The following MGAT5 variants were observed in gnomAD, a reference collection of about 807,000 sequenced individuals.
MGAT5 encodes the protein alpha-1,6-mannosylglycoprotein 6-beta-N-acetylglucosaminyltransferase A.
Under a neutral mutation model 94.3 loss-of-function variants are expected in MGAT5, and 30 were observed. That is an observed-to-expected ratio of 0.32 (90% CI 0.24 to 0.43). MGAT5 has a LOEUF of 0.43. MGAT5 is among the 20% of genes least tolerant of loss of function. The pLI is 1.00. For synonymous variants in MGAT5, 310 were observed against 322.9 expected (o/e 0.96, Z 0.43); for missense variants, 691 against 905.5 (o/e 0.76, Z 3.04).
At chr2:134,233,003 A>G (rs1573575158) in intron 1 of MGAT5, among the ~76,000 whole-genome samples, 1 of 152,224 alleles carries the variant, frequency 6.6e-6, no homozygotes, top group African/African-American at 2.4e-5. Flanking sequence ...AAAAGTTAAA[A>G]CTGCCACAAC....
intron 2 of MGAT5, among the ~76,000 whole-genome samples, chr2:134,298,262 A>AT (rs1313822435): frequency 6.6e-6 from 1 of 151,772 alleles, no homozygotes. Context: ...TACCTGGCTC[A>AT]TTTTTTTGTA....
chr2:134,405,796 C>T (rs953115013), intron 11 of MGAT5, among the ~76,000 whole-genome samples: 1 of 152,198 alleles, frequency 6.6e-6, no homozygotes, highest in African/African-American at 2.4e-5. Flanking sequence ...AATCTCTGCA[C>T]CAATCTTAGG....
At chr2:134,312,077 A>G (rs1686707659) in intron 2 of MGAT5, among the ~76,000 whole-genome samples, 1 of 152,084 alleles carries the variant, frequency 6.6e-6, no homozygotes, top group African/African-American at 2.4e-5. Flanking sequence ...TGGCGAAACC[A>G]CATTTCTACT....
chr2:134,374,345 C>A (rs1681020594), intron 10 of MGAT5, among the ~76,000 whole-genome samples: 1 of 152,124 alleles, frequency 6.6e-6, no homozygotes, highest in Non-Finnish European at 1.5e-5. Context: ...CCCTGTGGAA[C>A]CTTCTACATC....
chr2:134,359,948 C>G (rs998245732), intron 9 of MGAT5, among the ~76,000 whole-genome samples: 1 of 152,148 alleles, frequency 6.6e-6, no homozygotes, highest in Non-Finnish European at 1.5e-5. Flanking sequence ...GCTGAGCAAA[C>G]CCTTATGTGG....
intron 2 of MGAT5, among the ~76,000 whole-genome samples, chr2:134,281,288 G>A (rs968340790): frequency 2.6e-5 from 4 of 152,080 alleles, no homozygotes; most frequent in African/African-American, 7.2e-5. Flanking sequence ...CAAACATAAC[G>A]TGGCAAACAC....
At chr2:134,435,954 A>G (rs1301594196) in intron 14 of MGAT5, among the ~76,000 whole-genome samples, 2 of 152,192 alleles carry the variant, frequency 1.3e-5, no homozygotes, top group Non-Finnish European at 2.9e-5. Context: ...CTTCCATTTC[A>G]GTTGTGCCCT....
intron 1 of MGAT5, among the ~76,000 whole-genome samples, chr2:134,190,993 G>C (rs1289104300): frequency 6.6e-6 from 1 of 152,128 alleles, no homozygotes; most frequent in Non-Finnish European, 1.5e-5. Flanking sequence ...TTGCCAAGTT[G>C]CCCAGGCTGG....
intron 10 of MGAT5, among the ~76,000 whole-genome samples, chr2:134,402,714 C>A (rs761060551): frequency 6.6e-6 from 1 of 152,192 alleles, no homozygotes; most frequent in African/African-American, 2.4e-5. Context: ...TTTCCTCTTG[C>A]AAAATTATAC....
At chr2:134,234,844 T>C (rs1681550401) in intron 1 of MGAT5, among the ~76,000 whole-genome samples, 1 of 152,248 alleles carries the variant, frequency 6.6e-6, no homozygotes. Flanking sequence ...TGAGGTGGAC[T>C]GAGCAGGTGA....
intron 4 of MGAT5, among the ~76,000 whole-genome samples, chr2:134,325,804 C>G (rs539546961): frequency 6.6e-6 from 1 of 152,174 alleles, no homozygotes; most frequent in African/African-American, 2.4e-5. Context: ...TTTCCTCCTT[C>G]TAATTTTTTG....
intron 1 of MGAT5, among the ~76,000 whole-genome samples, chr2:134,246,657 G>A (rs1212405373): frequency 6.6e-6 from 1 of 152,218 alleles, no homozygotes; most frequent in Non-Finnish European, 1.5e-5. Flanking sequence ...CTGGACTTTG[G>A]TTTCTGTTTT....
intron 4 of MGAT5, among the ~76,000 whole-genome samples, chr2:134,333,560 T>A (rs1271892145): frequency 6.6e-6 from 1 of 151,740 alleles, no homozygotes; most frequent in African/African-American, 2.4e-5. Flanking sequence ...ATTGTGCACA[T>A]GTACCCTAAA....
chr2:134,364,593 C>T (rs549303715), intron 10 of MGAT5, among the ~76,000 whole-genome samples: 3 of 152,150 alleles, frequency 2.0e-5, no homozygotes, highest in Non-Finnish European at 4.4e-5. Context: ...GGTGTGAAAA[C>T]TCCATGGGTG....
intron 1 of MGAT5, among the ~76,000 whole-genome samples, chr2:134,269,263 G>A (rs1397004362): frequency 6.6e-6 from 1 of 152,158 alleles, no homozygotes; most frequent in Admixed American, 6.5e-5. Context: ...GTTGAGATTC[G>A]CTGGCTGTGA....
At chr2:134,168,516 C>G (rs1314586258) in intron 1 of MGAT5, among the ~76,000 whole-genome samples, 1 of 152,158 alleles carries the variant, frequency 6.6e-6, no homozygotes, top group Non-Finnish European at 1.5e-5. Flanking sequence ...CAAAGACCAA[C>G]CTAGATCTAT....
At chr2:134,444,033 A>C (rs973999323) in intron 15 of MGAT5, among the ~76,000 whole-genome samples, 1 of 152,234 alleles carries the variant, frequency 6.6e-6, no homozygotes, top group Non-Finnish European at 1.5e-5. Context: ...CCTCCAGGCC[A>C]GGGTCCAGGT....
At chr2:134,141,217 ACT>A (rs933066872) in intron 1 of MGAT5, among the ~76,000 whole-genome samples, 9 of 152,158 alleles carry the variant, frequency 5.9e-5, no homozygotes, top group African/African-American at 2.2e-4. Flanking sequence ...CAAGCACCAC[ACT>A]CTTAGATTTC....
At chr2:134,295,600 G>A (rs902183388) in intron 2 of MGAT5, among the ~76,000 whole-genome samples, 5 of 152,070 alleles carry the variant, frequency 3.3e-5, no homozygotes, top group Non-Finnish European at 4.4e-5. Context: ...GATTCTCTTC[G>A]AGGATGACAA....
Sources: gnomAD v4.1 joint callset for allele counts (sites outside exome capture counted in the v4.1 genomes callset) on GRCh38, gnomAD v4.1.1 for gene constraint, MANE v1.5 for transcripts, NCBI Gene and HGNC (gene_info 2026-07-23, HGNC 2026-07-21) for gene names.